ZNF362: variants seen among roughly 807,000 people sequenced by gnomAD.
ZNF362 encodes the protein zinc finger protein 362.
In ZNF362, 11 loss-of-function variants were observed where a neutral mutation model predicts 42.9. The observed-to-expected ratio is 0.26, with a 90% CI of 0.16 to 0.42. The LOEUF (loss-of-function observed/expected upper bound fraction) is 0.42. ZNF362 is among the 20% of genes least tolerant of loss of function. The probability of loss-of-function intolerance (pLI) is 1.00; values close to 1 mark genes in which losing one functional copy is unlikely to be tolerated. For missense variants in ZNF362, 362 were observed against 576.2 expected (o/e 0.63, Z 3.81); for synonymous variants, 255 against 257.3 (o/e 0.99, Z 0.09).
chr1:33,152,466 C>G, the ZNF362 span, among the ~76,000 whole-genome samples: 3 of 151,630 alleles, frequency 2.0e-5, no homozygotes, highest in Non-Finnish European at 4.4e-5. Flanking sequence ...ACTTGGGAGG[C>G]TGAGGCAGGA....
At chr1:33,212,489 A>G in the ZNF362 span, among the ~76,000 whole-genome samples, 1 of 152,188 alleles carries the variant, frequency 6.6e-6, no homozygotes, top group African/African-American at 2.4e-5. Flanking sequence ...TGGATAGTTT[A>G]TAAAGAAAAG....
chr1:33,169,807 GCAGA>G, the ZNF362 span, among the ~76,000 whole-genome samples: 1 of 152,230 alleles, frequency 6.6e-6, no homozygotes, highest in African/African-American at 2.4e-5. Context: ...ATCAGACAGT[GCAGA>G]CACAGAACTG....
intron 8 of ZNF362, among the ~76,000 whole-genome samples, chr1:33,297,213 G>A (rs574156182): frequency 1.3e-5 from 2 of 152,276 alleles, no homozygotes; most frequent in South Asian, 4.1e-4. Context: ...CTGATCTCCA[G>A]TCAGTCCCTG....
the ZNF362 span, chr1:33,165,310 C>G: frequency 3.3e-6 from 2 of 606,862 alleles, no homozygotes; most frequent in East Asian, 6.1e-5. The surrounding 1 kb of genome is among the most constrained non-coding windows in gnomAD (Gnocchi z 4.0). Flanking sequence ...GGATGCCCTA[C>G]CCTCTTCCCC....
chr1:33,226,198 C>A, the ZNF362 span, among the ~76,000 whole-genome samples: 1 of 152,258 alleles, frequency 6.6e-6, no homozygotes, highest in East Asian at 1.9e-4. Context: ...TACTTCACAG[C>A]CTTGAGCTCA....
the ZNF362 span, among the ~76,000 whole-genome samples, chr1:33,237,439 G>A: frequency 1.3e-5 from 2 of 152,204 alleles, no homozygotes; most frequent in African/African-American, 2.4e-5. Flanking sequence ...TCTTCCCTAC[G>A]CTGACCTTCT....
At chr1:33,148,629 A>G in the ZNF362 span, among the ~76,000 whole-genome samples, 1 of 152,172 alleles carries the variant, frequency 6.6e-6, no homozygotes, top group Non-Finnish European at 1.5e-5. Flanking sequence ...ATTATTAATA[A>G]TTTCCTTCTA....
chr1:33,192,996 C>T, the ZNF362 span, among the ~76,000 whole-genome samples: 15 of 21,162 alleles, frequency 7.1e-4, no homozygotes. Flanking sequence ...CACACACACA[C>T]ACACACACAT....
At chr1:33,275,146 G>A (rs952196951) in intron 2 of ZNF362, 10 of 985,288 alleles carry the variant, frequency 1.0e-5, no homozygotes, top group Non-Finnish European at 1.2e-6. Flanking sequence ...AACTTGACAG[G>A]GAGCAAGACT....
At chr1:33,270,689 C>G in intron 2 of ZNF362, 77 bp downstream of exon 2, 1 of 1,573,828 alleles carries the variant, frequency 6.4e-7, no homozygotes, top group Non-Finnish European at 8.6e-7. Flanking sequence ...TTGTGTTCGT[C>G]CCACCTTCCC....
upstream of ZNF362, among the ~76,000 whole-genome samples, chr1:33,254,206 A>G (rs1306785210): frequency 2.3e-4 from 35 of 151,520 alleles, no homozygotes; most frequent in Admixed American, 2.3e-3. Flanking sequence ...GGCTCACTGC[A>G]ACTTCCACCT....
At chr1:33,189,675 A>G in the ZNF362 span, among the ~76,000 whole-genome samples, 8 of 39,006 alleles carry the variant, frequency 2.1e-4, 1 homozygote, top group Admixed American at 2.4e-3. Context: ...ATATATATGT[A>G]TATATATACG....
chr1:33,222,024 T>G, the ZNF362 span, among the ~76,000 whole-genome samples: 1 of 152,064 alleles, frequency 6.6e-6, no homozygotes, highest in Admixed American at 6.5e-5. Context: ...TGAGGTAGTA[T>G]GTGTGTTCTG....
At chr1:33,137,530 C>T in the ZNF362 span, among the ~76,000 whole-genome samples, 1 of 152,102 alleles carries the variant, frequency 6.6e-6, no homozygotes, top group Non-Finnish European at 1.5e-5. Context: ...AGTTTCAGAG[C>T]TGGGAAGGTG....
intron 6 of ZNF362, among the ~76,000 whole-genome samples, chr1:33,290,654 G>A (rs1235730919): frequency 1.3e-5 from 2 of 151,384 alleles, no homozygotes; most frequent in Non-Finnish European, 3.0e-5. Flanking sequence ...CTTCCACAAT[G>A]GTTGAACTAG....
At chr1:33,243,290 G>A in the ZNF362 span, among the ~76,000 whole-genome samples, 7 of 151,830 alleles carry the variant, frequency 4.6e-5, no homozygotes, top group South Asian at 4.2e-4. Context: ...CAGAGTAGCC[G>A]GGACCACAGG....
chr1:33,151,799 A>T, the ZNF362 span, among the ~76,000 whole-genome samples: 338 of 152,344 alleles, frequency 2.2e-3, 2 homozygotes, highest in African/African-American at 7.8e-3. Context: ...AGGTCCCAGG[A>T]GATGTTTCCC....
chr1:33,226,010 T>A, the ZNF362 span, among the ~76,000 whole-genome samples: 1 of 152,124 alleles, frequency 6.6e-6, no homozygotes, highest in Admixed American at 6.5e-5. Flanking sequence ...GACAATGGAT[T>A]ATTGTGATTG....
chr1:33,245,862 C>A, the ZNF362 span, among the ~76,000 whole-genome samples: 4 of 152,140 alleles, frequency 2.6e-5, no homozygotes, highest in Non-Finnish European at 5.9e-5. Flanking sequence ...CTCACTTGAG[C>A]CCAAGAGATC....
Sources: gnomAD v4.1 joint callset for allele counts (sites outside exome capture counted in the v4.1 genomes callset) on GRCh38, gnomAD v4.1.1 for gene constraint, Gnocchi (gnomAD v3.1) non-coding constraint, MANE v1.5 for transcripts, NCBI Gene and HGNC (gene_info 2026-07-23, HGNC 2026-07-21) for gene names.